The following IGF1R variants were observed in gnomAD, a reference collection of about 807,000 sequenced individuals.
IGF1R encodes the protein insulin-like growth factor 1 receptor.
Under a neutral mutation model 144.6 loss-of-function variants are expected in IGF1R, and 44 were observed. The observed-to-expected ratio is 0.30, with a 90% CI of 0.24 to 0.39. The LOEUF (loss-of-function observed/expected upper bound fraction) is 0.39. Ranked by LOEUF, IGF1R falls within the 10% of genes least tolerant of loss-of-function variation. The pLI, the probability that IGF1R is intolerant of heterozygous loss-of-function variation, is 1.00. For synonymous variants in IGF1R, 795 were observed against 722.8 expected, an observed-to-expected ratio of 1.10 and a Z score of -1.60; for missense variants, 1,355 against 1,833.7, an observed-to-expected ratio of 0.74 and a Z score of 4.77.
intron 3 of IGF1R, among the ~76,000 whole-genome samples, chr15:98,892,629 T>G (rs1236035121): frequency 6.6e-6 from 1 of 152,316 alleles, no homozygotes; most frequent in African/African-American, 2.4e-5. Flanking sequence ...TTTATGCTTT[T>G]GAAAATAAGA....
intron 2 of IGF1R, among the ~76,000 whole-genome samples, chr15:98,780,988 G>A (rs1474637405): frequency 1.3e-5 from 2 of 152,142 alleles, no homozygotes; most frequent in Admixed American, 1.3e-4. Context: ...CGGGAGTCGT[G>A]GCATACAATT....
intron 20 of IGF1R, among the ~76,000 whole-genome samples, chr15:98,956,046 T>C (rs995177813): frequency 6.6e-6 from 1 of 152,262 alleles, no homozygotes; most frequent in Non-Finnish European, 1.5e-5. Flanking sequence ...AGCTGCTTTT[T>C]GCCCCAAAAG....
chr15:98,819,458 G>A (rs942691496), intron 2 of IGF1R, among the ~76,000 whole-genome samples: 15 of 152,144 alleles, frequency 9.9e-5, no homozygotes, highest in Non-Finnish European at 2.2e-4. Flanking sequence ...ATAAAAGAGA[G>A]CTGCTTTGCC....
Position 98,961,834 on chromosome 15 carries a change from G to C in IGF1R, c.*4392G>C, listed in dbSNP as rs547247976. 1.7e-5 allele frequency: 4 copies of C among 233,196 alleles called. No individual in the cohort carries two copies. 14.4% of individuals were successfully genotyped at this position (233,196 alleles called of 1,614,324 possible). A position where few individuals can be genotyped will look rare whatever the true frequency, so the allele number is the denominator to read the frequency against. On this transcript the variant is annotated 3_prime_UTR_variant, in exon 21 of 21. Transcript: ENST00000650285. ...CCTCCTCCTTGGAAGATGGAAGACC[G>C]TGTTCGTGGCCGACCTGGCCTCTCC...
chr15:98,812,517 C>G (rs566562558), intron 2 of IGF1R, among the ~76,000 whole-genome samples: 3 of 151,922 alleles, frequency 2.0e-5, no homozygotes, highest in Non-Finnish European at 4.4e-5. Context: ...CCACCATGCC[C>G]GGCTAATTTT....
At chr15:98,903,829 CA>C (rs1413282385) in intron 5 of IGF1R, among the ~76,000 whole-genome samples, 1 of 152,122 alleles carries the variant, frequency 6.6e-6, no homozygotes, top group African/African-American at 2.4e-5. Context: ...AATCCAGACA[CA>C]AAAGACTACA....
At chr15:98,906,210 A>C (rs949988157) in intron 5 of IGF1R, among the ~76,000 whole-genome samples, 5 of 152,262 alleles carry the variant, frequency 3.3e-5, no homozygotes, top group African/African-American at 1.2e-4. Flanking sequence ...CGTGGGGGAG[A>C]AGAATGTTTT....
At chr15:98,918,782 G>A (rs1208131388) in intron 10 of IGF1R, among the ~76,000 whole-genome samples, 1 of 152,208 alleles carries the variant, frequency 6.6e-6, no homozygotes, top group African/African-American at 2.4e-5. Flanking sequence ...GGGAAGCTGA[G>A]GCAGGATAAT....
chr15:98,930,134 T>C, intron 14 of IGF1R, 101 bp from the exon 15 acceptor site: 1 of 823,052 alleles, frequency 1.2e-6, no homozygotes, highest in Non-Finnish European at 2.1e-6. Flanking sequence ...TCTGATACCG[T>C]GTGAGAGAGG....
intron 3 of IGF1R, among the ~76,000 whole-genome samples, chr15:98,893,132 C>A (rs1052269458): frequency 6.6e-6 from 1 of 152,168 alleles, no homozygotes; most frequent in Non-Finnish European, 1.5e-5. Context: ...ATAAAAATAT[C>A]GTTAGAAAAG....
At chr15:98,913,352 G>C in intron 8 of IGF1R, 70 bp downstream of exon 8, 1 of 1,215,384 alleles carries the variant, frequency 8.2e-7, no homozygotes, top group Non-Finnish European at 1.2e-6. Flanking sequence ...CTTGTACCAG[G>C]TGTCATTGTA....
chr15:98,926,113 T>C (rs1028183954), intron 13 of IGF1R, among the ~76,000 whole-genome samples: 6 of 152,216 alleles, frequency 3.9e-5, no homozygotes, highest in African/African-American at 1.4e-4. Context: ...CTGGTACATA[T>C]ACATTATAGA....
At chr15:98,717,335 A>G (rs200543752) in intron 2 of IGF1R, among the ~76,000 whole-genome samples, 2 of 150,288 alleles carry the variant, frequency 1.3e-5, no homozygotes, top group Non-Finnish European at 3.0e-5. Flanking sequence ...AGCTGCTGCT[A>G]TTTTTTTTTT....
At chr15:98,817,522 A>G (rs2056721041) in intron 2 of IGF1R, among the ~76,000 whole-genome samples, 1 of 151,862 alleles carries the variant, frequency 6.6e-6, no homozygotes, top group Non-Finnish European at 1.5e-5. Context: ...GCCTCTGTGA[A>G]AAGGTGGCAT....
intron 2 of IGF1R, among the ~76,000 whole-genome samples, chr15:98,885,775 CTCTTTCATGTTTTGTTCCTTGTGAAG>C (rs1401029141): frequency 6.6e-6 from 1 of 150,626 alleles, no homozygotes; most frequent in Non-Finnish European, 1.5e-5. Context: ...CAGGTGGCCC[CTCTTTCATGTTTTGTTCCTTGTGAAG>C]AGGTTGAGTC....
chr15:98,930,777 G>T (rs946546792), intron 15 of IGF1R, among the ~76,000 whole-genome samples: 1 of 151,634 alleles, frequency 6.6e-6, no homozygotes, highest in African/African-American at 2.4e-5. Flanking sequence ...ATTCCCTTCC[G>T]ACTAGGGTCA....
intron 19 of IGF1R, among the ~76,000 whole-genome samples, chr15:98,945,499 C>A (rs7173377): frequency 0.5 from 76,092 of 152,096 alleles, 20,227 homozygotes; most frequent in Non-Finnish European, 0.6. Flanking sequence ...CATGTATCTA[C>A]TGTTTGAAGA....
intron 20 of IGF1R, among the ~76,000 whole-genome samples, chr15:98,949,227 CTCTGT>C (rs1430918589): frequency 6.6e-6 from 1 of 152,178 alleles, no homozygotes; most frequent in African/African-American, 2.4e-5. Flanking sequence ...CACATGTCTT[CTCTGT>C]TAAGTGTTTA....
chr15:98,811,194 G>A (rs1018213684), intron 2 of IGF1R, among the ~76,000 whole-genome samples: 2 of 151,926 alleles, frequency 1.3e-5, no homozygotes, highest in African/African-American at 4.8e-5. Context: ...CCAGCTACTC[G>A]AGAGGCTGAG....
Sources: allele counts gnomAD v4.1 joint callset (sites outside exome capture counted in the v4.1 genomes callset), GRCh38; gene constraint gnomAD v4.1.1; transcripts MANE v1.5; gene names NCBI Gene and HGNC (gene_info 2026-07-23, HGNC 2026-07-21).